Variants in EIPR1 observed in about 807,000 individuals in gnomAD.
EIPR1 encodes the protein EARP and GARP complex-interacting protein 1.
A neutral mutation model predicts 48.1 loss-of-function variants in EIPR1; 25 were observed. The observed-to-expected ratio is 0.52, with a 90% CI of 0.38 to 0.73. The LOEUF (loss-of-function observed/expected upper bound fraction) is 0.73, where lower values mean the gene tolerates loss of function less well. Ranked by LOEUF, EIPR1 falls within the 30% of genes least tolerant of loss-of-function variation. The pLI is 0.00. For synonymous variants in EIPR1, 204 were observed against 201.9 expected (o/e 1.01, Z -0.09); for missense variants, 415 against 506.2 (o/e 0.82, Z 1.73).
At chr2:3,235,062 T>A (rs1416454208) in intron 4 of EIPR1, among the ~76,000 whole-genome samples, 1 of 152,234 alleles carries the variant, frequency 6.6e-6, no homozygotes, top group South Asian at 2.1e-4. Context: ...CTGTGTGTGT[T>A]TTCCACCGGC....
intron 3 of EIPR1, among the ~76,000 whole-genome samples, chr2:3,263,931 A>T (rs567081983): frequency 6.6e-6 from 1 of 152,324 alleles, no homozygotes; most frequent in Admixed American, 6.5e-5. Context: ...GCCAATTCAT[A>T]TTTGCATTAC....
intron 5 of EIPR1, among the ~76,000 whole-genome samples, chr2:3,209,540 C>T (rs2103127366): frequency 6.6e-6 from 1 of 152,350 alleles, no homozygotes; most frequent in South Asian, 2.1e-4. Flanking sequence ...CGATCAGCCC[C>T]CTGAGGAGAA....
At chr2:3,346,240 G>A (rs1670398238) in intron 2 of EIPR1, among the ~76,000 whole-genome samples, 2 of 152,228 alleles carry the variant, frequency 1.3e-5, no homozygotes, top group Admixed American at 1.3e-4. Context: ...ACTGGCTGTG[G>A]GTTTTGACCC....
At position 3,283,944 on chromosome 2, in the gene EIPR1, TAAAAAAAAAAA is replaced by T. The variant is rs59593196; in HGVS notation, c.260-26500_260-26490del. ...CTGGGTGACAAAGCGAGACTACATCTAAAAAAAAAAAAAAAAAAAAAGAAAGAAAGAAAAAA... is the reference window on the plus strand; with the variant it reads ...CTGGGTGACAAAGCGAGACTACATCTAAAAAAAAAAGAAAGAAAGAAAAAA... On this transcript the variant is annotated intron_variant, in intron 3 of 8. Transcript: ENST00000382125. Among the ~76,000 whole-genome samples, 7 of 92,906 alleles carry T rather than the reference TAAAAAAAAAAA, an allele frequency of 7.5e-5. No individual in the cohort carries two copies. The East Asian group carries it at 1.0e-3, about 14-fold the overall frequency. The allele number at this position is 92,906 out of a possible 152,430, so 60.9% of individuals were successfully genotyped here.
intron 3 of EIPR1, among the ~76,000 whole-genome samples, chr2:3,260,453 T>G (rs1667294874): frequency 1.5e-5 from 2 of 134,264 alleles, no homozygotes; most frequent in Non-Finnish European, 3.1e-5. Context: ...ATTGTGCCAC[T>G]GCACTACAAC....
intron 5 of EIPR1, among the ~76,000 whole-genome samples, chr2:3,200,104 T>C (rs1340824808): frequency 6.6e-6 from 1 of 151,992 alleles, no homozygotes; most frequent in Non-Finnish European, 1.5e-5. Flanking sequence ...AGAATAGCCA[T>C]GGTGATAGTC....
At chr2:3,244,840 G>A (rs772421713) in intron 4 of EIPR1, among the ~76,000 whole-genome samples, 6 of 152,122 alleles carry the variant, frequency 3.9e-5, no homozygotes, top group Middle Eastern at 3.2e-3. Flanking sequence ...TGGACACACC[G>A]ATCTGCCTCT....
intron 5 of EIPR1, chr2:3,208,849 C>T (rs766843478): frequency 6.5e-7 from 1 of 1,549,702 alleles, no homozygotes; most frequent in South Asian, 1.2e-5. Context: ...CTGGGGCCAT[C>T]CCTGTTCCCC....
chr2:3,214,618 T>C (rs1380516969), intron 4 of EIPR1, among the ~76,000 whole-genome samples: 2 of 152,192 alleles, frequency 1.3e-5, no homozygotes, highest in Non-Finnish European at 2.9e-5. Context: ...CAGCCTAACC[T>C]ACCTTAAACA....
intron 3 of EIPR1, among the ~76,000 whole-genome samples, chr2:3,295,443 C>T (rs1316441212): frequency 7.2e-6 from 1 of 139,106 alleles, no homozygotes; most frequent in Non-Finnish European, 1.6e-5. Flanking sequence ...ACACACACAC[C>T]CTCCATCCAG....
chr2:3,208,337 G>A (rs887708412), intron 5 of EIPR1: 33 of 933,392 alleles, frequency 3.5e-5, no homozygotes, highest in African/African-American at 1.7e-4. Context: ...AGGAGCCACC[G>A]TGAGCACCTC....
At chr2:3,203,203 C>G (rs1250872162) in intron 5 of EIPR1, among the ~76,000 whole-genome samples, 1 of 152,178 alleles carries the variant, frequency 6.6e-6, no homozygotes, top group Non-Finnish European at 1.5e-5. Flanking sequence ...TAAAAGCTAA[C>G]AAGTGACAGA....
intron 1 of EIPR1, among the ~76,000 whole-genome samples, chr2:3,366,701 T>G (rs1354098546): frequency 6.6e-6 from 1 of 151,968 alleles, no homozygotes; most frequent in Non-Finnish European, 1.5e-5. Flanking sequence ...ACATAGAGGG[T>G]AATTAAGATA....
At chr2:3,319,765 G>A (rs113170225) in intron 3 of EIPR1, 3,640 of 134,980 alleles carry the variant, frequency 0.027, 212 homozygotes, top group African/African-American at 0.11. Context: ...CGCACCTGCA[G>A]GCAGGGCAAT....
chr2:3,269,657 AATC>A lies in EIPR1; in HGVS notation c.260-12205_260-12203del, dbSNP rs1191861712. Among the ~76,000 whole-genome samples the A allele has an allele frequency of 2.6e-3, 385 of 150,756 alleles. 10 individuals carry two copies. The highest frequency in any genetic ancestry group is 8.9e-3 in the African/African-American group (362 of 40,882). On this transcript the variant is annotated intron_variant, in intron 3 of 8. Coordinates refer to ENST00000382125, the MANE Select transcript of EIPR1 (RefSeq NM_003310.5). Reference sequence around the variant, plus strand: ...ATCATCACACTCAATCATCACACTCAATCATCACACTCAATCATCGCAATCATC... The same window carrying A: ...ATCATCACACTCAATCATCACACTCAATCACACTCAATCATCGCAATCATC...
At chr2:3,207,185 A>G (rs1194413995) in intron 5 of EIPR1, among the ~76,000 whole-genome samples, 2 of 152,188 alleles carry the variant, frequency 1.3e-5, no homozygotes, top group Non-Finnish European at 2.9e-5. Context: ...TCTACCTGAC[A>G]GGCACACACT....
At chr2:3,305,180 A>C (rs571823995) in intron 3 of EIPR1, among the ~76,000 whole-genome samples, 56 of 81,444 alleles carry the variant, frequency 6.9e-4, no homozygotes, top group South Asian at 1.4e-3. Context: ...CAACCCTCCA[A>C]TCCCATCCAG....
chr2:3,335,712 T>C (rs12471093), intron 3 of EIPR1, among the ~76,000 whole-genome samples: 2,559 of 152,262 alleles, frequency 0.017, 56 homozygotes, highest in Admixed American at 0.054. Context: ...CCCCTTGCTG[T>C]TCTTGTGACA....
intron 2 of EIPR1, among the ~76,000 whole-genome samples, chr2:3,345,121 AG>A (rs1318848193): frequency 6.6e-6 from 1 of 152,158 alleles, no homozygotes. Flanking sequence ...CAGCCTGTGC[AG>A]TGCGTGGTCA....
Sources: gnomAD v4.1 joint callset for allele counts (sites outside exome capture counted in the v4.1 genomes callset) on GRCh38, gnomAD v4.1.1 for gene constraint, MANE v1.5 for transcripts, NCBI Gene and HGNC (gene_info 2026-07-23, HGNC 2026-07-21) for gene names.